The following MCTP1 variants were observed in gnomAD, a reference collection of about 807,000 sequenced individuals.
MCTP1 encodes the protein multiple C2 and transmembrane domain containing 1.
A neutral mutation model predicts 120.6 loss-of-function variants in MCTP1; 69 were observed. The ratio of observed to expected loss-of-function variants is 0.57; its 90% CI spans 0.47 to 0.70. The LOEUF (loss-of-function observed/expected upper bound fraction) is 0.70, where lower values mean the gene tolerates loss of function less well. MCTP1 is among the 30% of genes least tolerant of loss of function. MCTP1 has a pLI of 0.00. For missense variants in MCTP1, 1,203 were observed against 1,248.8 expected (o/e 0.96, Z 0.55); for synonymous variants, 529 against 493.1 (o/e 1.07, Z -0.96).
chr5:95,204,318 G>A (rs896212754), intron 1 of MCTP1, among the ~76,000 whole-genome samples: 3 of 152,110 alleles, frequency 2.0e-5, no homozygotes, highest in African/African-American at 7.2e-5. Context: ...GGCATTCTAG[G>A]CAGAGGAAGC....
chr5:95,035,141 T>G (rs184610466), intron 1 of MCTP1, among the ~76,000 whole-genome samples: 1 of 151,850 alleles, frequency 6.6e-6, no homozygotes, highest in Admixed American at 6.6e-5. Flanking sequence ...ATTAGTACAA[T>G]CTCTACGGAA....
At chr5:95,076,452 G>A (rs1445710087) in intron 1 of MCTP1, among the ~76,000 whole-genome samples, 29 of 130,774 alleles carry the variant, frequency 2.2e-4, no homozygotes, top group African/African-American at 6.3e-4. Context: ...GCTGAAAAAG[G>A]AAAAAAAAAA....
At chr5:95,283,834 C>G (rs1226345015) in intron 1 of MCTP1, 22 bp downstream of exon 1, 1 of 1,188,270 alleles carries the variant, frequency 8.4e-7, no homozygotes, top group Non-Finnish European at 1.0e-6. Flanking sequence ...ACCTTGTCTC[C>G]GGCCGCGCCA....
intron 1 of MCTP1, among the ~76,000 whole-genome samples, chr5:95,096,920 C>T (rs180857072): frequency 7.9e-5 from 12 of 152,196 alleles, no homozygotes; most frequent in African/African-American, 2.6e-4. Context: ...ATAGCTTAGA[C>T]GGGAGCCCCA....
At chr5:94,773,842 C>G (rs1402024211) in intron 19 of MCTP1, among the ~76,000 whole-genome samples, 1 of 152,082 alleles carries the variant, frequency 6.6e-6, no homozygotes, top group Non-Finnish European at 1.5e-5. Context: ...CCACCGGGTC[C>G]CTCCCACAAC....
chr5:94,752,589 T>C (rs1768762741), intron 19 of MCTP1, among the ~76,000 whole-genome samples: 1 of 152,186 alleles, frequency 6.6e-6, no homozygotes, highest in South Asian at 2.1e-4. Context: ...ATTTGTGTTT[T>C]AACTTGGTTC....
chr5:95,074,123 A>G (rs914342467), intron 1 of MCTP1, among the ~76,000 whole-genome samples: 4 of 152,240 alleles, frequency 2.6e-5, no homozygotes, highest in African/African-American at 4.8e-5. Flanking sequence ...CTCAAGAAAA[A>G]AAAGAAAAAA....
chr5:94,734,684 C>A (rs9314118), intron 19 of MCTP1, among the ~76,000 whole-genome samples: 1 of 151,914 alleles, frequency 6.6e-6, no homozygotes, highest in African/African-American at 2.4e-5. Context: ...CTTAGACTCC[C>A]GGCCTAAAGC....
At chr5:95,167,356 C>G (rs977073566) in intron 1 of MCTP1, among the ~76,000 whole-genome samples, 2 of 152,190 alleles carry the variant, frequency 1.3e-5, no homozygotes, top group African/African-American at 4.8e-5. Flanking sequence ...GTGAAGAATG[C>G]TGCAATAAAC....
chr5:95,213,051 T>G (rs1360509369), intron 1 of MCTP1, among the ~76,000 whole-genome samples: 1 of 152,046 alleles, frequency 6.6e-6, no homozygotes, highest in Non-Finnish European at 1.5e-5. Context: ...GGGTATTCAG[T>G]TAGGAAAAGA....
chr5:95,062,563 G>C (rs888427091), intron 1 of MCTP1, among the ~76,000 whole-genome samples: 1 of 152,160 alleles, frequency 6.6e-6, no homozygotes, highest in Non-Finnish European at 1.5e-5. Context: ...ATGGTATTTT[G>C]AACGCATTCC....
At chr5:94,716,768 A>G (rs76333757) in intron 19 of MCTP1, among the ~76,000 whole-genome samples, 5 of 145,790 alleles carry the variant, frequency 3.4e-5, no homozygotes, top group African/African-American at 5.1e-5. Context: ...TTTTTTTTTT[A>G]GTTGAATATA....
intron 1 of MCTP1, among the ~76,000 whole-genome samples, chr5:95,243,447 C>G (rs1463533556): frequency 6.6e-6 from 1 of 152,058 alleles, no homozygotes; most frequent in East Asian, 1.9e-4. Flanking sequence ...TGGGGAACCA[C>G]AGCATGAATG....
At chr5:95,172,797 C>T (rs571397775) in intron 1 of MCTP1, among the ~76,000 whole-genome samples, 33 of 152,242 alleles carry the variant, frequency 2.2e-4, no homozygotes, top group African/African-American at 7.5e-4. Flanking sequence ...AAGCCAATTA[C>T]CCCATTGCTT....
chr5:95,182,061 T>C (rs916147543), intron 1 of MCTP1, among the ~76,000 whole-genome samples: 3 of 152,010 alleles, frequency 2.0e-5, no homozygotes, highest in Admixed American at 6.6e-5. Context: ...AAAATGTAAA[T>C]AGAGTTACAA....
intron 2 of MCTP1, among the ~76,000 whole-genome samples, chr5:94,982,131 A>G (rs936658099): frequency 6.6e-6 from 1 of 152,216 alleles, no homozygotes; most frequent in Non-Finnish European, 1.5e-5. Flanking sequence ...ATATTTTGAC[A>G]AATTTAACCT....
intron 1 of MCTP1, among the ~76,000 whole-genome samples, chr5:95,193,107 G>A (rs1750002723): frequency 6.6e-6 from 1 of 152,112 alleles, no homozygotes; most frequent in Non-Finnish European, 1.5e-5. Flanking sequence ...TTAATAAACT[G>A]AGTAATTTTT....
At position 95,015,825 on chromosome 5, in the gene MCTP1, CAA is replaced by C. The variant is rs1335329261; in HGVS notation, c.838+1540_838+1541del. 4.6e-5 allele frequency among the ~76,000 whole-genome samples: 7 copies of C among 151,928 alleles called. No individual in the cohort carries two copies. In the East Asian group the frequency reaches 1.3e-3, roughly 29 times the overall value. On this transcript the variant is annotated intron_variant, in intron 2 of 22. Coordinates refer to ENST00000515393, the MANE Select transcript of MCTP1 (RefSeq NM_024717.7). ...ATTGCCTATATTTTATAATTATAAACAATGCTACAATAAATTATTGTATATAT... is the reference window on the plus strand; with the variant it reads ...ATTGCCTATATTTTATAATTATAAACTGCTACAATAAATTATTGTATATAT...
chr5:94,711,544 A>G (rs1756992641), intron 20 of MCTP1, among the ~76,000 whole-genome samples: 1 of 152,154 alleles, frequency 6.6e-6, no homozygotes, highest in Non-Finnish European at 1.5e-5. Flanking sequence ...AGAAGTACAT[A>G]GATAATTAAT....
Sources: allele counts gnomAD v4.1 joint callset (sites outside exome capture counted in the v4.1 genomes callset), GRCh38; gene constraint gnomAD v4.1.1; transcripts MANE v1.5; gene names NCBI Gene and HGNC (gene_info 2026-07-23, HGNC 2026-07-21).